Variants in GABRR3 observed in about 807,000 individuals in gnomAD.
GABRR3 encodes gamma-aminobutyric acid type A receptor subunit rho3, also known as gamma-aminobutyric acid receptor subunit rho-3.
GABRR3 carries 29 observed loss-of-function variants against 43.2 expected under a neutral mutation model. That is an observed-to-expected ratio of 0.67 (90% CI 0.50 to 0.92). The LOEUF is 0.92. Ranked by LOEUF, GABRR3 falls within the 40% of genes least tolerant of loss-of-function variation. The pLI is 0.00. For synonymous variants in GABRR3, 206 were observed against 195.9 expected (o/e 1.05, Z -0.43); for missense variants, 576 against 572.3 (o/e 1.01, Z -0.07).
intron 3 of GABRR3, among the ~76,000 whole-genome samples, chr3:98,024,980 G>C (rs1706993311): frequency 6.6e-6 from 1 of 152,158 alleles, no homozygotes; most frequent in African/African-American, 2.4e-5. Flanking sequence ...ATGGCCTTGG[G>C]CAAATCTCTT....
At chr3:98,009,745 C>CA (rs1706764801) in intron 5 of GABRR3, among the ~76,000 whole-genome samples, 1 of 152,082 alleles carries the variant, frequency 6.6e-6, no homozygotes, top group Non-Finnish European at 1.5e-5. Context: ...AGCAGGTTTG[C>CA]AAAAAACAAA....
In GABRR3 at chr3:98,034,905, T is replaced by G. The variant is rs560983160; in HGVS notation, c.83A>C (p.Lys28Thr). 1.8e-4 allele frequency: 291 copies of G among 1,613,192 alleles called. 4 individuals carry two copies. In the South Asian group the frequency reaches 2.3e-3, roughly 13 times the overall value. The change falls in exon 2 of 10, where the codon AAG becomes ACG. Residue 28 changes from lysine to threonine, a missense_variant. Physicochemically the swap from Lys to Thr is moderately conservative, Grantham distance 78. Coordinates refer to ENST00000621172, the Ensembl canonical transcript of GABRR3. ...AGAGGAGCACCGCTGGTGTGTCATC[T>G]TGATGTTAGAAGCAGCACAAACATT...
chr3:98,001,494 C>T (rs574249884), intron 8 of GABRR3, 121 bp downstream of exon 8: 6 of 1,013,766 alleles, frequency 5.9e-6, no homozygotes, highest in Admixed American at 2.6e-5. Flanking sequence ...CCTGGATGTT[C>T]ATCTCTGACT....
downstream of GABRR3, among the ~76,000 whole-genome samples, chr3:97,985,857 ATATT>A (rs997433397): frequency 0.013 from 181 of 13,682 alleles, 1 homozygote; most frequent in African/African-American, 0.015. Context: ...ATATATATAT[ATATT>A]TTTTTTTATT....
chr3:98,014,172 A>G (rs144735171), intron 4 of GABRR3, among the ~76,000 whole-genome samples: 55 of 152,348 alleles, frequency 3.6e-4, no homozygotes, highest in Admixed American at 7.8e-4. Flanking sequence ...TTTATCTGAT[A>G]CGGACTAGCA....
chr3:98,001,914 C>A, intron 7 of GABRR3, 147 bp from the exon 8 acceptor site: 1 of 747,674 alleles, frequency 1.3e-6, no homozygotes, highest in Non-Finnish European at 2.2e-6. Context: ...CCTGGCACTC[C>A]ATCAACATTT....
At chr3:97,992,803 G>C (rs375039902) in intron 9 of GABRR3, 49 bp downstream of exon 9, 2 of 1,512,282 alleles carry the variant, frequency 1.3e-6, no homozygotes, top group African/African-American at 1.4e-5. Context: ...GATAAGGGTA[G>C]TCTTTTCCAC....
intron 6 of GABRR3, 105 bp downstream of exon 6, chr3:98,008,851 T>C (rs1233620678): frequency 6.6e-6 from 3 of 457,886 alleles, no homozygotes; most frequent in Admixed American, 8.5e-5. Flanking sequence ...TGGATAAATA[T>C]ATCAGTATTT....
chr3:97,994,413 G>A (rs187153673), intron 8 of GABRR3, among the ~76,000 whole-genome samples: 84 of 152,290 alleles, frequency 5.5e-4, no homozygotes, highest in Non-Finnish European at 9.0e-4. Flanking sequence ...ACACTGATTT[G>A]AACTCCAGAA....
At chr3:97,995,616 AAGAATT>A (rs562624908) in intron 8 of GABRR3, among the ~76,000 whole-genome samples, 209 of 152,152 alleles carry the variant, frequency 1.4e-3, no homozygotes, top group African/African-American at 4.7e-3. Flanking sequence ...AAAAAAAAAA[AAGAATT>A]AGAGTGGAGA....
intron 8 of GABRR3, chr3:98,000,843 C>T (rs1706629572): frequency 1.3e-5 from 2 of 152,104 alleles, no homozygotes; most frequent in Non-Finnish European, 2.9e-5. Flanking sequence ...CTTGGGTTCT[C>T]ATTAAGTAAC....
At position 97,986,929 on chromosome 3, in the gene GABRR3, AC is replaced by A. The variant is rs529176049; in HGVS notation, c.1157del (p.Cys386PhefsTer16). ...CCATGTCAATCTCGCTGTCATGGTAACAACCATCAAAGGCCATAGCTTGAAC... is the reference window on the plus strand; with the variant it reads ...CCATGTCAATCTCGCTGTCATGGTAAAACCATCAAAGGCCATAGCTTGAAC... On this transcript the variant is annotated frameshift_variant, in exon 10 of 10. Coordinates refer to ENST00000621172, the Ensembl canonical transcript of GABRR3. LOFTEE classifies it high-confidence loss of function. 137 of 1,611,778 alleles carry A rather than the reference AC, an allele frequency of 8.5e-5. No individual in the cohort carries two copies. In the Middle Eastern group the frequency reaches 1.2e-3, roughly 14 times the overall value.
intron 9 of GABRR3, among the ~76,000 whole-genome samples, chr3:97,992,199 G>C (rs980776252): frequency 1.3e-5 from 2 of 152,078 alleles, no homozygotes; most frequent in Admixed American, 6.5e-5. Context: ...AGGATACTGT[G>C]GGGGGAAGAA....
intron 7 of GABRR3, 95 bp downstream of exon 7, chr3:98,007,669 C>A: frequency 7.3e-7 from 1 of 1,363,340 alleles, no homozygotes; most frequent in South Asian, 1.2e-5. Context: ...AAAGGGGACA[C>A]TCGCTTGGAT....
chr3:98,025,666 T>C lies in GABRR3; in HGVS notation c.139A>G (p.Arg47Gly), dbSNP rs762800161. 1.9e-6 allele frequency: 3 copies of C among 1,609,378 alleles called. No homozygotes were observed. In the South Asian group the frequency reaches 3.3e-5, roughly 18 times the overall value. Reference sequence around the variant, plus strand: ...TTGGTACTGTCATCTTTCTTCATTCTAGTTTCTTGTTTGCTGTTCCCCCAA... The same window carrying C: ...TTGGTACTGTCATCTTTCTTCATTCCAGTTTCTTGTTTGCTGTTCCCCCAA... Residue 47 changes from arginine to glycine, a missense_variant, in exon 3 of 10, where the codon AGA becomes GGA. Coordinates refer to ENST00000621172, the Ensembl canonical transcript of GABRR3.
At chr3:97,998,330 T>C (rs1022680728) in intron 8 of GABRR3, 4 of 152,140 alleles carry the variant, frequency 2.6e-5, no homozygotes, top group African/African-American at 4.8e-5. Flanking sequence ...GAGATTATGA[T>C]CCAAACCAGT....
intron 7 of GABRR3, among the ~76,000 whole-genome samples, chr3:98,002,193 T>C (rs1236041154): frequency 2.0e-5 from 3 of 152,152 alleles, no homozygotes; most frequent in Non-Finnish European, 4.4e-5. Context: ...TCAGAGTATG[T>C]ACTAGGTCAT....
At chr3:97,998,087 C>T (rs1387925831) in intron 8 of GABRR3, 1 of 151,150 alleles carries the variant, frequency 6.6e-6, no homozygotes, top group Admixed American at 6.6e-5. Context: ...AAAAAAAAAA[C>T]TTAAGAAAAA....
downstream of GABRR3, among the ~76,000 whole-genome samples, chr3:97,985,924 T>G (rs1221069749): frequency 6.6e-6 from 1 of 152,104 alleles, no homozygotes; most frequent in Non-Finnish European, 1.5e-5. Context: ...TAGAGTGCAG[T>G]GGCTCAATCT....
Sources: allele counts gnomAD v4.1 joint callset (sites outside exome capture counted in the v4.1 genomes callset), GRCh38; gene constraint gnomAD v4.1.1; transcripts MANE v1.5; gene names NCBI Gene and HGNC (gene_info 2026-07-23, HGNC 2026-07-21).